Variants in GIPC2 observed in about 807,000 individuals in gnomAD.
The protein encoded by GIPC2 is GIPC PDZ domain containing family member 2.
GIPC2 carries 30 observed loss-of-function variants against 30.6 expected under a neutral mutation model. The observed-to-expected ratio is 0.98, with a 90% confidence interval of 0.73 to 1.33. The LOEUF is 1.33. Ranked by LOEUF, GIPC2 falls within the 40% of genes most tolerant of loss-of-function variation. GIPC2 has a pLI of 0.00. For synonymous variants in GIPC2, 167 were observed against 150.0 expected (o/e 1.11, Z -0.83); for missense variants, 414 against 390.3 (o/e 1.06, Z -0.51).
At chr1:78,085,923 G>A (rs1483240626) in intron 2 of GIPC2, among the ~76,000 whole-genome samples, 1 of 116,908 alleles carries the variant, frequency 8.6e-6, no homozygotes, top group Non-Finnish European at 1.8e-5. Context: ...GTCTTGTTCA[G>A]TTCAGCTCTG....
intron 1 of GIPC2, 86 bp downstream of exon 1, chr1:78,046,420 G>C: frequency 2.3e-6 from 3 of 1,306,846 alleles, no homozygotes; most frequent in Non-Finnish European, 3.2e-6. Flanking sequence ...GGAGGGTTGA[G>C]CGGCGTTTCC....
chr1:78,086,624 A>G (rs1661932235), intron 2 of GIPC2, among the ~76,000 whole-genome samples: 1 of 152,148 alleles, frequency 6.6e-6, no homozygotes, highest in Non-Finnish European at 1.5e-5. Context: ...GGGTGCATAT[A>G]TATTTAGGAT....
chr1:78,071,421 A>G (rs1661615521), intron 1 of GIPC2, among the ~76,000 whole-genome samples: 1 of 151,922 alleles, frequency 6.6e-6, no homozygotes, highest in Non-Finnish European at 1.5e-5. Context: ...TTAAATGAAC[A>G]CAATATATTT....
At chr1:78,091,770 AGAG>A in intron 2 of GIPC2, 1 of 776,572 alleles carries the variant, frequency 1.3e-6, no homozygotes, top group African/African-American at 1.7e-5. Flanking sequence ...GTAGCACAGA[AGAG>A]GGAGGATACT....
intron 3 of GIPC2, among the ~76,000 whole-genome samples, chr1:78,106,399 A>G (rs1662354130): frequency 1.3e-5 from 2 of 151,944 alleles, no homozygotes; most frequent in East Asian, 3.9e-4. Context: ...CTCTACTAAA[A>G]ATACAAAAAA....
At chr1:78,077,405 A>G (rs1022589868) in intron 1 of GIPC2, among the ~76,000 whole-genome samples, 6 of 152,200 alleles carry the variant, frequency 3.9e-5, no homozygotes, top group Non-Finnish European at 7.3e-5. Flanking sequence ...TCTATTGGGC[A>G]GTGATGCTCT....
intron 3 of GIPC2, among the ~76,000 whole-genome samples, chr1:78,100,940 ATACAC>A (rs532856995): frequency 0.05 from 5,719 of 113,338 alleles, 147 homozygotes; most frequent in East Asian, 0.12. Context: ...AAAAAAAAAA[ATACAC>A]ACACACACAC....
At chr1:78,078,208 A>C (rs955557795) in intron 1 of GIPC2, among the ~76,000 whole-genome samples, 3 of 151,264 alleles carry the variant, frequency 2.0e-5, no homozygotes, top group Admixed American at 6.6e-5. Context: ...AAAAAAAAAA[A>C]AACCTAGTGT....
chr1:78,134,957 A>G (rs1348376344), intron 5 of GIPC2, among the ~76,000 whole-genome samples: 3 of 152,172 alleles, frequency 2.0e-5, no homozygotes, highest in African/African-American at 7.2e-5. Context: ...CAAGACATAG[A>G]ATATGGAACC....
Position 78,069,475 on chromosome 1 carries a change from C to CTTTT in GIPC2, c.241-11183_241-11180dup, listed in dbSNP as rs1167457025. Among the ~76,000 whole-genome samples the CTTTT allele has an allele frequency of 1.2e-4, 15 of 127,260 alleles. 2 individuals carry two copies. The highest frequency in any genetic ancestry group is 4.2e-4 in the African/African-American group (14 of 33,190). The allele number at this position is 127,260 out of a possible 152,430, so 83.5% of individuals were successfully genotyped here. On this transcript the variant is annotated intron_variant, in intron 1 of 5. Transcript: ENST00000370759. ...CCCTCATCTAGGGAACCCTGTAGTACTTTTTTTTTTTTTTTTTTTTGAGAC... is the reference window on the plus strand; with the variant it reads ...CCCTCATCTAGGGAACCCTGTAGTACTTTTTTTTTTTTTTTTTTTTTTTTGAGAC...
intron 1 of GIPC2, among the ~76,000 whole-genome samples, chr1:78,075,019 C>G (rs973425900): frequency 6.6e-6 from 1 of 152,166 alleles, no homozygotes; most frequent in African/African-American, 2.4e-5. Context: ...AAATCCAACC[C>G]AGGATGGCTT....
chr1:78,092,616 C>T (rs600742), intron 2 of GIPC2: 34,097 of 152,150 alleles, frequency 0.22, 4,148 homozygotes, highest in East Asian at 0.49. Context: ...CCATTGCTCC[C>T]GTATTGTTTA....
intron 2 of GIPC2, 26 bp from the exon 3 acceptor site, chr1:78,094,926 T>C (rs778621972): frequency 1.4e-6 from 2 of 1,464,994 alleles, no homozygotes; most frequent in East Asian, 2.3e-5. Flanking sequence ...CTATTTTATA[T>C]TATGTTATCA....
chr1:78,066,969 C>T (rs1661524530), intron 1 of GIPC2, among the ~76,000 whole-genome samples: 1 of 152,038 alleles, frequency 6.6e-6, no homozygotes, highest in South Asian at 2.1e-4. Flanking sequence ...ATAATCTGTA[C>T]AACAAACTCC....
intron 1 of GIPC2, among the ~76,000 whole-genome samples, chr1:78,075,262 C>G (rs1661695685): frequency 6.6e-6 from 1 of 152,070 alleles, no homozygotes; most frequent in Admixed American, 6.6e-5. Flanking sequence ...TTGAGACTAG[C>G]CTGGGCAACA....
chr1:78,108,061 G>T (rs980105573), intron 3 of GIPC2, among the ~76,000 whole-genome samples: 2 of 152,040 alleles, frequency 1.3e-5, no homozygotes, highest in Non-Finnish European at 2.9e-5. Flanking sequence ...TAGGGGGAAG[G>T]TCCAGGCTGT....
At chr1:78,128,815 T>C (rs1662834286) in intron 5 of GIPC2, among the ~76,000 whole-genome samples, 1 of 151,890 alleles carries the variant, frequency 6.6e-6, no homozygotes, top group African/African-American at 2.4e-5. Context: ...GATGAGACCC[T>C]GTCTCTACTA....
chr1:78,119,514 T>C lies in GIPC2; in HGVS notation c.714+15T>C, dbSNP rs1662639804. ...TGGAAGAAATGGTATGTTATGTTCA[T>C]TTACTTCCTGTTCTGCTTGGAAATG... On this transcript the variant is annotated intron_variant, in intron 4 of 5. Transcript: ENST00000370759. The C allele has an allele frequency of 1.4e-6, 2 of 1,438,618 alleles. No individual in the cohort carries two copies. Among genetic ancestry groups the C allele is most frequent in the Non-Finnish European group, 9.8e-7 (1 of 1,020,874 alleles). 89.1% of individuals were successfully genotyped at this position (1,438,618 alleles called of 1,614,324 possible).
At chr1:78,096,825 G>C (rs575263879) in intron 3 of GIPC2, among the ~76,000 whole-genome samples, 4 of 152,166 alleles carry the variant, frequency 2.6e-5, no homozygotes, top group African/African-American at 9.6e-5. Flanking sequence ...TGGTAGGGCT[G>C]TTGGTTAGAA....
Sources: gnomAD v4.1 joint callset for allele counts (sites outside exome capture counted in the v4.1 genomes callset) on GRCh38, gnomAD v4.1.1 for gene constraint, MANE v1.5 for transcripts, NCBI Gene and HGNC (gene_info 2026-07-23, HGNC 2026-07-21) for gene names.